Variants in SUSD4 observed in about 807,000 individuals in gnomAD.
SUSD4 encodes the protein sushi domain containing 4.
In SUSD4, 41 loss-of-function variants were observed where a neutral mutation model predicts 50.5. The observed-to-expected ratio is 0.81, with a 90% CI of 0.63 to 1.05. The LOEUF (loss-of-function observed/expected upper bound fraction) is 1.05. Among genes scored for constraint, SUSD4 ranks in the 50% least tolerant of loss-of-function variants. SUSD4 has a pLI of 0.00. For missense variants in SUSD4, 580 were observed against 634.7 expected, an observed-to-expected ratio of 0.91 and a Z score of 0.93; for synonymous variants, 257 against 257.3, an observed-to-expected ratio of 1.00 and a Z score of 0.01.
At chr1:223,281,753 C>T (rs1406392610) in intron 3 of SUSD4, among the ~76,000 whole-genome samples, 22 of 152,090 alleles carry the variant, frequency 1.4e-4, no homozygotes, top group Admixed American at 1.4e-3. Flanking sequence ...CCAGCATCAT[C>T]CTGATACCAA....
chr1:223,262,241 C>G (rs1475238453), intron 5 of SUSD4, among the ~76,000 whole-genome samples: 5 of 152,294 alleles, frequency 3.3e-5, no homozygotes, highest in Admixed American at 6.5e-5. Context: ...AAGACTTCCA[C>G]AGCAGAACTG....
intron 2 of SUSD4, among the ~76,000 whole-genome samples, chr1:223,315,721 GA>G (rs919615773): frequency 2.6e-4 from 39 of 151,792 alleles, no homozygotes; most frequent in African/African-American, 8.5e-4. Context: ...AAATTCATCT[GA>G]AAAAAAAATT....
intron 2 of SUSD4, among the ~76,000 whole-genome samples, chr1:223,313,265 A>G (rs529746718): frequency 1.2e-4 from 18 of 152,264 alleles, no homozygotes; most frequent in Admixed American, 1.0e-3. Flanking sequence ...GATTGAGTCC[A>G]ACCACGTGGC....
chr1:223,229,518 G>T lies in SUSD4; in HGVS notation c.725-130C>A. On this transcript the variant is annotated intron_variant, in intron 5 of 8. Coordinates refer to ENST00000366878, the MANE Select transcript of SUSD4 (RefSeq NM_017982.4). The surrounding 1 kb of genome is among the most constrained non-coding windows in gnomAD (Gnocchi z 4.7). The stretch of plus-strand genomic sequence containing the variant: ...TATGGATTAATCACCAGGCTACTGA[G>T]TTGCATTAGAGATGGTCTCTTTTTT... 2 of 858,148 alleles carry T rather than the reference G, an allele frequency of 2.3e-6. No individual in the cohort carries two copies. Among genetic ancestry groups the T allele is most frequent in the Non-Finnish European group, 3.4e-6 (2 of 584,380 alleles). 53.2% of individuals were successfully genotyped at this position (858,148 alleles called of 1,614,324 possible). A position where few individuals can be genotyped will look rare whatever the true frequency, so the allele number is the denominator to read the frequency against.
rs143304637 is a variant in SUSD4 at position 223,289,151 on chromosome 1, G to A, written c.361+3288C>T. 1.1e-3 allele frequency: 1,088 copies of A among 985,424 alleles called. 1 individual carries two copies. The highest frequency in any genetic ancestry group is 1.3e-3 in the Non-Finnish European group (1,054 of 829,926). The allele number at this position is 985,424 out of a possible 1,614,324, so 61.0% of individuals were successfully genotyped here. A position where few individuals can be genotyped will look rare whatever the true frequency, so the allele number is the denominator to read the frequency against. ...GTCAGCAGCCCTGCGCCCACGGGGT[G>A]TATTTTCAGTCCTTTGCCAATTCTA... On this transcript the variant is annotated intron_variant, in intron 3 of 8. Transcript: ENST00000366878.
In SUSD4 at chr1:223,276,921, C is replaced by G. The variant is rs546582444; in HGVS notation, c.362-8246G>C. Among the ~76,000 whole-genome samples, 6 of 152,074 alleles carry G rather than the reference C, an allele frequency of 3.9e-5. No individual in the cohort carries two copies. In the South Asian group the frequency reaches 1.2e-3, roughly 32 times the overall value. ...AATGCACATGAGAAAAAAAAAATCC[C>G]AAATAAAATATTTTTAAAGCATCCA... On this transcript the variant is annotated intron_variant, in intron 3 of 8. Coordinates refer to ENST00000366878, the MANE Select transcript of SUSD4 (RefSeq NM_017982.4).
intron 2 of SUSD4, among the ~76,000 whole-genome samples, chr1:223,345,430 C>A (rs1310706736): frequency 6.6e-6 from 1 of 152,058 alleles, no homozygotes; most frequent in Non-Finnish European, 1.5e-5. Flanking sequence ...GGGTCCAGAT[C>A]CAGGCCCTGA....
chr1:223,280,557 C>T (rs998011614), intron 3 of SUSD4, among the ~76,000 whole-genome samples: 9 of 152,118 alleles, frequency 5.9e-5, no homozygotes, highest in African/African-American at 9.7e-5. Context: ...TATACATGCA[C>T]GCAATACAGG....
intron 3 of SUSD4, among the ~76,000 whole-genome samples, chr1:223,278,926 C>T (rs1663483052): frequency 6.6e-6 from 1 of 152,214 alleles, no homozygotes. Flanking sequence ...TGCCGTTCTG[C>T]AGCCTCCACT....
Position 223,223,648 on chromosome 1 carries a change from A to C in SUSD4, c.1062-17T>G, listed in dbSNP as rs752322760. ...GGAGGCCCCCTGTGTAAAGGAAAGA[A>C]GTGCCAACATGTGAGAGCCATGCCA... On this transcript the variant is annotated splice_polypyrimidine_tract_variant and intron_variant, in intron 7 of 8. Coordinates refer to ENST00000366878, the MANE Select transcript of SUSD4 (RefSeq NM_017982.4). 11 of 1,582,726 alleles carry C rather than the reference A, an allele frequency of 7.0e-6. No individual in the cohort carries two copies. The South Asian group carries it at 1.0e-4, about 15-fold the overall frequency.
intron 4 of SUSD4, among the ~76,000 whole-genome samples, chr1:223,268,125 T>C (rs560297477): frequency 6.7e-6 from 1 of 149,852 alleles, no homozygotes; most frequent in Non-Finnish European, 1.5e-5. Flanking sequence ...TAAGTACAAA[T>C]GCTCTGTTAT....
At chr1:223,299,120 C>G (rs1665023469) in intron 2 of SUSD4, among the ~76,000 whole-genome samples, 1 of 152,206 alleles carries the variant, frequency 6.6e-6, no homozygotes, top group Non-Finnish European at 1.5e-5. Flanking sequence ...AAATTATCCC[C>G]TAGCAGATCA....
intron 3 of SUSD4, among the ~76,000 whole-genome samples, chr1:223,283,319 T>C (rs1224340990): frequency 6.6e-6 from 1 of 152,116 alleles, no homozygotes; most frequent in Non-Finnish European, 1.5e-5. Context: ...AGAAAATTTT[T>C]GCAATCTACT....
intron 2 of SUSD4, among the ~76,000 whole-genome samples, chr1:223,337,366 A>T (rs933382216): frequency 6.6e-6 from 1 of 152,220 alleles, no homozygotes; most frequent in Non-Finnish European, 1.5e-5. Flanking sequence ...TGCATGAATG[A>T]ATGAATGAAT....
chr1:223,310,155 C>A (rs550755692), intron 2 of SUSD4, among the ~76,000 whole-genome samples: 34 of 152,266 alleles, frequency 2.2e-4, no homozygotes, highest in African/African-American at 7.2e-4. Flanking sequence ...TGGGACAGTG[C>A]CTTTAACCAG....
rs1337699327 is a variant in SUSD4 at position 223,332,002 on chromosome 1, T to G, written c.148+31276A>C. Among the ~76,000 whole-genome samples, 1 of 152,226 alleles carries G rather than the reference T, an allele frequency of 6.6e-6. No individual in the cohort carries two copies. The highest frequency in any genetic ancestry group is 1.5e-5 in the Non-Finnish European group (1 of 68,042). On this transcript the variant is annotated intron_variant, in intron 2 of 8. Transcript: ENST00000366878. The surrounding 1 kb of genome is among the most constrained non-coding windows in gnomAD (Gnocchi z 4.0). The stretch of plus-strand genomic sequence containing the variant: ...GCTGACCTCTCACCTGTGTTCTGCT[T>G]CATGAAATCCCAATGTGGCATTTCT...
At position 223,332,158 on chromosome 1, in the gene SUSD4, C is replaced by T. The variant is rs918498936; in HGVS notation, c.148+31120G>A. On this transcript the variant is annotated intron_variant, in intron 2 of 8. Transcript: ENST00000366878. This position sits in a 1 kb window ranked among gnomAD's most constrained non-coding sequence, Gnocchi z 4.0. ...GGCAAATGCCAATTGCTAAGTGAAA[C>T]AGCACTCAGGGTGGTGTGTCAGGAA... is the stretch of plus-strand genomic sequence containing the variant. 3.9e-5 allele frequency among the ~76,000 whole-genome samples: 6 copies of T among 152,162 alleles called. No homozygotes were observed. Among genetic ancestry groups the T allele is most frequent in the Admixed American group, 2.6e-4 (4 of 15,272 alleles).
At chr1:223,275,220 TCA>T (rs1663176199) in intron 3 of SUSD4, among the ~76,000 whole-genome samples, 1 of 152,140 alleles carries the variant, frequency 6.6e-6, no homozygotes, top group African/African-American at 2.4e-5. Flanking sequence ...GCATAAAACC[TCA>T]AATATTTGCC....
At chr1:223,322,327 G>A (rs1666620586) in intron 2 of SUSD4, among the ~76,000 whole-genome samples, 1 of 152,176 alleles carries the variant, frequency 6.6e-6, no homozygotes, top group Non-Finnish European at 1.5e-5. Flanking sequence ...TCTCATCTAA[G>A]CTCACAGACC....
Sources: allele counts gnomAD v4.1 joint callset (sites outside exome capture counted in the v4.1 genomes callset), GRCh38; gene constraint gnomAD v4.1.1; non-coding constraint Gnocchi (gnomAD v3.1); transcripts MANE v1.5; gene names NCBI Gene and HGNC (gene_info 2026-07-23, HGNC 2026-07-21).